The following TECPR1 variants were observed in gnomAD, a reference collection of about 807,000 sequenced individuals.
The protein encoded by TECPR1 is tectonin beta-propeller repeat-containing protein 1.
In TECPR1, 122 loss-of-function variants were observed where a neutral mutation model predicts 162.4. The ratio of observed to expected loss-of-function variants is 0.75; its 90% CI spans 0.65 to 0.87. TECPR1 has a LOEUF of 0.87. TECPR1 is among the 40% of genes least tolerant of loss of function. TECPR1 has a pLI of 0.00. For synonymous variants in TECPR1, 642 were observed against 670.6 expected, an observed-to-expected ratio of 0.96 and a Z score of 0.66; for missense variants, 1,432 against 1,618.2, an observed-to-expected ratio of 0.88 and a Z score of 1.97.
chr7:98,224,680 T>C, intron 19 of TECPR1, 121 bp downstream of exon 19: 2 of 980,700 alleles, frequency 2.0e-6, no homozygotes, highest in African/African-American at 1.6e-5. Flanking sequence ...AGGGGTCTGC[T>C]CCTTGGCCAG....
intron 3 of TECPR1, 76 bp downstream of exon 3, chr7:98,245,846 C>T: frequency 7.4e-7 from 1 of 1,357,294 alleles, no homozygotes; most frequent in African/African-American, 1.4e-5. Flanking sequence ...CTCTATTTCC[C>T]TTCTGTGGTT....
chr7:98,218,145 G>C (rs1434573737), intron 23 of TECPR1, 103 bp from the exon 24 acceptor site: 2 of 928,430 alleles, frequency 2.2e-6, no homozygotes, highest in Admixed American at 4.8e-5. Context: ...ACCACTTCGG[G>C]GTTTGGGAAG....
At chr7:98,237,769 T>A (rs1044274645) in intron 9 of TECPR1, among the ~76,000 whole-genome samples, 3 of 151,092 alleles carry the variant, frequency 2.0e-5, no homozygotes, top group Non-Finnish European at 4.4e-5. Flanking sequence ...GTGCCCGGAA[T>A]GTTTTTGGTT....
In TECPR1 at chr7:98,233,433, T is replaced by A. The variant is rs777108148; in HGVS notation, c.1660A>T (p.Thr554Ser). The stretch of plus-strand genomic sequence containing the variant: ...CAGGAGCCCTTACCCGCCTGGACAG[T>A]GAACCATCTGGGCATGGCACATGCC... Reference protein sequence around the residue: ...VEACAMPRWFTVQAGLSSSVH... With the variant: ...VEACAMPRWFSVQAGLSSSVH... Residue 554 changes from threonine to serine, a missense_variant, in exon 11 of 26, where the codon ACT becomes TCT. Coordinates refer to ENST00000447648, the MANE Select transcript of TECPR1 (RefSeq NM_015395.3). 175 of 1,455,542 alleles carry A rather than the reference T, an allele frequency of 1.2e-4. No individual in the cohort carries two copies. The highest frequency in any genetic ancestry group is 8.6e-5 in the Non-Finnish European group (95 of 1,103,428). The allele number at this position is 1,455,542 out of a possible 1,614,324, so 90.2% of individuals were successfully genotyped here.
At chr7:98,227,800 T>G (rs1584330545) in intron 17 of TECPR1, among the ~76,000 whole-genome samples, 1 of 121,984 alleles carries the variant, frequency 8.2e-6, no homozygotes, top group African/African-American at 3.1e-5. Flanking sequence ...CCAGCCTGGG[T>G]GACAGAGCAA....
intron 17 of TECPR1, 82 bp downstream of exon 17, chr7:98,227,932 A>G (rs1271482974): frequency 7.0e-6 from 8 of 1,139,036 alleles, no homozygotes; most frequent in Middle Eastern, 2.1e-4. Flanking sequence ...ACTCCACGCT[A>G]CGGTGGATGT....
intron 2 of TECPR1, chr7:98,250,966 A>G (rs1799049230): frequency 6.6e-6 from 1 of 152,170 alleles, no homozygotes; most frequent in Non-Finnish European, 1.5e-5. Flanking sequence ...TTGGTCAGCC[A>G]CACTTTCTTT....
rs754428802 is a variant in TECPR1 at position 98,233,643 on chromosome 7, CGGCCGGGGTGGGGGCCG to C, written c.1433_1449del (p.Pro478ArgfsTer8). 2 of 1,590,308 alleles carry C rather than the reference CGGCCGGGGTGGGGGCCG, an allele frequency of 1.3e-6. No homozygotes were observed. The highest frequency in any genetic ancestry group is 2.3e-5 in the South Asian group (2 of 88,372). The stretch of plus-strand genomic sequence containing the variant: ...AGGTCAATATTGGTCCAGGGCAGCT[CGGCCGGGGTGGGGGCCG>C]GGCCGGGGTGCGTGTTGGGTCTGGC... On this transcript the variant is annotated frameshift_variant, in exon 11 of 26. Transcript: ENST00000447648. LOFTEE classifies it high-confidence loss of function.
At chr7:98,222,647 A>C in intron 21 of TECPR1, 126 bp from the exon 22 acceptor site, 1 of 1,156,860 alleles carries the variant, frequency 8.6e-7, no homozygotes, top group Non-Finnish European at 1.2e-6. Context: ...GCCGGGAGTC[A>C]CACAGCCCCA....
At chr7:98,233,201 G>A (rs1798496036) in intron 11 of TECPR1, 2 of 787,774 alleles carry the variant, frequency 2.5e-6, no homozygotes, top group South Asian at 2.4e-5. Flanking sequence ...GACAGGGGAA[G>A]GGGCACTGGC....
At chr7:98,224,289 C>A (rs921821339) in intron 19 of TECPR1, among the ~76,000 whole-genome samples, 2 of 152,198 alleles carry the variant, frequency 1.3e-5, no homozygotes, top group Non-Finnish European at 2.9e-5. Flanking sequence ...ACGCCGTGCA[C>A]CTGCACCGCC....
At chr7:98,233,986 G>GTGCTCCACCA (rs1284702374) in intron 10 of TECPR1, 75 bp from the exon 11 acceptor site, 2 of 1,453,530 alleles carry the variant, frequency 1.4e-6, no homozygotes, top group African/African-American at 2.9e-5. Flanking sequence ...CAGCTCCAGC[G>GTGCTCCACCA]TGCTCCACCA....
At chr7:98,239,242 C>T (rs1279107660) in intron 8 of TECPR1, among the ~76,000 whole-genome samples, 1 of 152,188 alleles carries the variant, frequency 6.6e-6, no homozygotes, top group Admixed American at 6.6e-5. Flanking sequence ...TACTGGAGAC[C>T]TTGTGCTATT....
At position 98,230,946 on chromosome 7, in the gene TECPR1, G is replaced by A. The variant is rs970889835; in HGVS notation, c.2282+15C>T. 2 of 1,607,168 alleles carry A rather than the reference G, an allele frequency of 1.2e-6. No homozygotes were observed. The highest frequency in any genetic ancestry group is 4.5e-5 in the East Asian group (2 of 44,770). ...GGCCAGGCCCCAGACCCCACCCAGA[G>A]TGCGGCTCACTCACATCTGGTCGCA... On this transcript the variant is annotated intron_variant, in intron 15 of 25. Coordinates refer to ENST00000447648, the MANE Select transcript of TECPR1 (RefSeq NM_015395.3).
At position 98,231,101 on chromosome 7, in the gene TECPR1, C is replaced by G. The variant is rs1490881641; in HGVS notation, c.2142G>C (p.Leu714=). 1 of 1,601,842 alleles carries G rather than the reference C, an allele frequency of 6.2e-7. No individual in the cohort carries two copies. The highest frequency in any genetic ancestry group is 1.3e-5 in the African/African-American group (1 of 74,586). ...DMNDWLALLS[L]SCCESRKVQG... Reference sequence around the variant, plus strand: ...GCACCTTCCGGCTCTCGCAGCAAGACAGGCTGAGCAGGGCGAGCTGGTGTG... The same window carrying G: ...GCACCTTCCGGCTCTCGCAGCAAGAGAGGCTGAGCAGGGCGAGCTGGTGTG... Residue 714 remains leucine (L), a synonymous_variant, in exon 15 of 26, where the codon CTG becomes CTC. Coordinates refer to ENST00000447648, the MANE Select transcript of TECPR1 (RefSeq NM_015395.3).
chr7:98,231,185 A>G (rs2116570642), intron 14 of TECPR1, 39 bp downstream of exon 14: 2 of 1,608,760 alleles, frequency 1.2e-6, no homozygotes, highest in Non-Finnish European at 1.7e-6. Flanking sequence ...CACCATGGCT[A>G]TCCCTCCCCC....
At position 98,236,791 on chromosome 7, in the gene TECPR1, G is replaced by A. The variant is rs928123017; in HGVS notation, c.1166C>T (p.Ser389Leu). The A allele has an allele frequency of 3.1e-6, 5 of 1,592,436 alleles. No individual in the cohort carries two copies. Among genetic ancestry groups the A allele is most frequent in the African/African-American group, 1.4e-5 (1 of 72,132 alleles). The change falls in exon 10 of 26, where the codon TCG (serine) becomes TTG (leucine). Residue 389 changes from serine to leucine, a missense_variant. Coordinates refer to ENST00000447648, the MANE Select transcript of TECPR1 (RefSeq NM_015395.3). ...CCCCAGTCACCTGAGGAGACTAGAC[G>A]AGCTGCCAGAGTGTGACCGGTCACA... Reference protein sequence around the residue: ...RECDRSHSGSSSSLLSAGCFF... With the variant: ...RECDRSHSGSLSSLLSAGCFF...
In TECPR1 at chr7:98,217,796, T is replaced by C; in HGVS notation, c.3280A>G (p.Asn1094Asp). The C allele has an allele frequency of 6.4e-7, 1 of 1,550,840 alleles. No homozygotes were observed. Among genetic ancestry groups the C allele is most frequent in the South Asian group, 1.2e-5 (1 of 84,044 alleles). Reference protein sequence around the residue: ...GPLDQVWVIANKVQGSHSLSR... With the variant: ...GPLDQVWVIADKVQGSHSLSR... ...AGGCTGTGGCTGCCCTGCACTTTGTTGGCGATCACCCAGACCTGGAGCACA... is the reference window on the plus strand; with the variant it reads ...AGGCTGTGGCTGCCCTGCACTTTGTCGGCGATCACCCAGACCTGGAGCACA... Residue 1094 changes from asparagine to aspartate, a missense_variant, in exon 25 of 26, where the codon AAC becomes GAC. Asn to Asp is a conservative substitution (Grantham distance 23). Transcript: ENST00000447648.
chr7:98,249,109 G>A (rs897752658), intron 2 of TECPR1, among the ~76,000 whole-genome samples: 6 of 152,006 alleles, frequency 3.9e-5, no homozygotes, highest in South Asian at 2.1e-4. Context: ...GGCTGGTCTC[G>A]AACTCCTGGC....
Sources: allele counts gnomAD v4.1 joint callset (sites outside exome capture counted in the v4.1 genomes callset), GRCh38; gene constraint gnomAD v4.1.1; transcripts MANE v1.5; gene names NCBI Gene and HGNC (gene_info 2026-07-23, HGNC 2026-07-21).